CDC14B: variants seen among roughly 807,000 people sequenced by gnomAD.
The protein encoded by CDC14B is dual specificity protein phosphatase CDC14B.
Under a neutral mutation model 64.2 loss-of-function variants are expected in CDC14B, and 22 were observed. The observed-to-expected ratio is 0.34, with a 90% CI of 0.24 to 0.49. The LOEUF (loss-of-function observed/expected upper bound fraction) is 0.49. Ranked by LOEUF, CDC14B falls within the 20% of genes least tolerant of loss-of-function variation. CDC14B has a pLI of 0.99. For missense variants in CDC14B, 498 were observed against 629.9 expected, an observed-to-expected ratio of 0.79 and a Z score of 2.24; for synonymous variants, 191 against 215.8, an observed-to-expected ratio of 0.89 and a Z score of 1.01.
At chr9:96,578,414 T>C (rs959580104) in intron 1 of CDC14B, among the ~76,000 whole-genome samples, 6 of 152,144 alleles carry the variant, frequency 3.9e-5, no homozygotes, top group Non-Finnish European at 8.8e-5. Flanking sequence ...AAATAGTAAC[T>C]TTACAGAAGA....
chr9:96,551,789 T>C lies in CDC14B; in HGVS notation c.497+7A>G. Reference sequence around the variant, plus strand: ...ACCTGAATCTACCACATCATTCTTATATTTACCTGAAAGGAATATAGGATG... The same window carrying C: ...ACCTGAATCTACCACATCATTCTTACATTTACCTGAAAGGAATATAGGATG... On this transcript the variant is annotated splice_region_variant and intron_variant, in intron 5 of 13. Transcript: ENST00000375241. 5 of 1,607,008 alleles carry C rather than the reference T, an allele frequency of 3.1e-6. No individual in the cohort carries two copies. The highest frequency in any genetic ancestry group is 4.2e-6 in the Non-Finnish European group (5 of 1,177,100).
At chr9:96,572,291 G>A (rs1844525341) in intron 1 of CDC14B, among the ~76,000 whole-genome samples, 1 of 152,190 alleles carries the variant, frequency 6.6e-6, no homozygotes, top group Non-Finnish European at 1.5e-5. Flanking sequence ...GGGGATACCG[G>A]GAACCCCAAC....
chr9:96,552,381 G>A (rs1841946063), intron 4 of CDC14B, among the ~76,000 whole-genome samples: 1 of 152,222 alleles, frequency 6.6e-6, no homozygotes. Context: ...GACGCTCATT[G>A]ACTTCTTTTG....
At chr9:96,575,206 T>C (rs1360151581) in intron 1 of CDC14B, among the ~76,000 whole-genome samples, 1 of 152,214 alleles carries the variant, frequency 6.6e-6, no homozygotes, top group East Asian at 1.9e-4. Flanking sequence ...AGACACACTG[T>C]CTAGAATCTG....
rs1833444208 is a variant in CDC14B, at chr9:96,500,305, A to T, written c.*3448T>A. 6.6e-6 allele frequency: 1 copy of T among 152,586 alleles called. No homozygotes were observed. The highest frequency in any genetic ancestry group is 6.5e-5 in the Admixed American group (1 of 15,286). 9.5% of individuals were successfully genotyped at this position (152,586 alleles called of 1,614,324 possible). ...CCTTCAGGAAAATAAACATTCATTC[A>T]ACCAGTTCTCTTGGCTTTAAAAAAT... On this transcript the variant is annotated 3_prime_UTR_variant, in exon 14 of 14. Transcript: ENST00000375241.
intron 12 of CDC14B, among the ~76,000 whole-genome samples, chr9:96,522,245 C>A (rs1359305302): frequency 6.6e-6 from 1 of 152,166 alleles, no homozygotes; most frequent in East Asian, 1.9e-4. Flanking sequence ...CCTGAGGATG[C>A]CCCATGCTGA....
At chr9:96,511,267 C>T (rs1834869517) in intron 12 of CDC14B, among the ~76,000 whole-genome samples, 2 of 152,130 alleles carry the variant, frequency 1.3e-5, no homozygotes, top group Admixed American at 1.3e-4. Flanking sequence ...TGCTAAACAT[C>T]TCATCACTAA....
intron 1 of CDC14B, chr9:96,618,867 C>T (rs912429333): frequency 3.0e-6 from 1 of 328,596 alleles, no homozygotes; most frequent in South Asian, 2.5e-5. Context: ...TCCCTGAAGG[C>T]GGAATCCACA....
intron 1 of CDC14B, among the ~76,000 whole-genome samples, chr9:96,606,872 T>C (rs1352441249): frequency 6.6e-6 from 1 of 151,894 alleles, no homozygotes; most frequent in Non-Finnish European, 1.5e-5. Flanking sequence ...GGCCTACTAA[T>C]AATTTTTTTA....
At chr9:96,594,831 C>A (rs1224368272) in intron 1 of CDC14B, among the ~76,000 whole-genome samples, 1 of 151,606 alleles carries the variant, frequency 6.6e-6, no homozygotes, top group African/African-American at 2.4e-5. Flanking sequence ...TCATGGGGCA[C>A]TGAACGGAGT....
intron 4 of CDC14B, among the ~76,000 whole-genome samples, chr9:96,557,891 C>A (rs746969018): frequency 6.6e-6 from 1 of 152,196 alleles, no homozygotes; most frequent in African/African-American, 2.4e-5. Context: ...TTATTTTTTA[C>A]ACAAAATGCT....
At chr9:96,491,507 C>T (rs995035932) in exon 14 of CDC14B, 4 of 152,168 alleles carry the variant, frequency 2.6e-5, no homozygotes, top group African/African-American at 9.7e-5. Context: ...TAAGGTTTAT[C>T]AACTGAGTGT....
intron 12 of CDC14B, among the ~76,000 whole-genome samples, chr9:96,521,832 A>G (rs1836774843): frequency 1.3e-5 from 2 of 152,236 alleles, no homozygotes; most frequent in South Asian, 4.1e-4. Flanking sequence ...AACAAGTGGG[A>G]GCATTTACTA....
chr9:96,525,777 C>T (rs1298725179), intron 9 of CDC14B, among the ~76,000 whole-genome samples: 2 of 152,252 alleles, frequency 1.3e-5, no homozygotes, highest in Admixed American at 6.5e-5. Context: ...TCAAGTCTCC[C>T]CTATACCTGA....
At chr9:96,589,951 A>G (rs1845683170) in intron 1 of CDC14B, among the ~76,000 whole-genome samples, 1 of 149,818 alleles carries the variant, frequency 6.7e-6, no homozygotes, top group East Asian at 2.0e-4. Context: ...ACAGAGCAAG[A>G]CTCCATCTCA....
intron 6 of CDC14B, 73 bp downstream of exon 6, chr9:96,541,753 A>C: frequency 8.2e-6 from 8 of 977,240 alleles, no homozygotes; most frequent in Non-Finnish European, 1.2e-5. Context: ...GATCTCGGGA[A>C]GAAGGCCTAG....
intron 1 of CDC14B, among the ~76,000 whole-genome samples, chr9:96,617,096 C>G (rs1175815489): frequency 7.8e-6 from 1 of 128,634 alleles, no homozygotes; most frequent in Non-Finnish European, 1.5e-5. Flanking sequence ...TTAGGGCTTG[C>G]AATCTGATAG....
rs745963982 is a variant in CDC14B at position 96,523,680 on chromosome 9, T to G, written c.992A>C (p.Lys331Thr). The G allele has an allele frequency of 1.2e-6, 2 of 1,614,114 alleles. No homozygotes were observed. The highest frequency in any genetic ancestry group is 1.7e-6 in the Non-Finnish European group (2 of 1,180,012). Reference protein sequence around the residue: ...TGTLIACYIMKHYRMTAAETI... With the variant: ...TGTLIACYIMTHYRMTAAETI... ...CTCGGCTGCTGTCATCCTGTAATGC[T>G]TCATGATGTAGCAGGCTATCAGAGT... The change falls in exon 10 of 14, where the codon AAG (lysine) becomes ACG (threonine). Residue 331 changes from lysine to threonine, a missense_variant. Coordinates refer to ENST00000375241, the MANE Select transcript of CDC14B (RefSeq NM_033331.4).
At chr9:96,570,186 ACCTCTT>A (rs1446424317) in intron 1 of CDC14B, among the ~76,000 whole-genome samples, 2 of 152,196 alleles carry the variant, frequency 1.3e-5, no homozygotes, top group Non-Finnish European at 2.9e-5. Context: ...CAGGTTGACT[ACCTCTT>A]CCTTTAGCAA....
Sources: gnomAD v4.1 joint callset for allele counts (sites outside exome capture counted in the v4.1 genomes callset) on GRCh38, gnomAD v4.1.1 for gene constraint, MANE v1.5 for transcripts, NCBI Gene and HGNC (gene_info 2026-07-23, HGNC 2026-07-21) for gene names.